Variants in PDE11A observed in about 807,000 individuals in gnomAD.
The protein encoded by PDE11A is phosphodiesterase 11A.
A neutral mutation model predicts 100.5 loss-of-function variants in PDE11A; 100 were observed. The observed-to-expected ratio is 1.00, with a 90% CI of 0.85 to 1.18. The LOEUF is 1.18. Among genes scored for constraint, PDE11A ranks in the 50% most tolerant of loss-of-function variants. PDE11A has a pLI of 0.00. For missense variants in PDE11A, 1,141 were observed against 1,152.6 expected, an observed-to-expected ratio of 0.99 and a Z score of 0.15; for synonymous variants, 381 against 420.8, an observed-to-expected ratio of 0.91 and a Z score of 1.16.
intron 1 of PDE11A, among the ~76,000 whole-genome samples, chr2:178,046,051 A>G (rs146901908): frequency 9.0e-4 from 137 of 152,290 alleles, no homozygotes; most frequent in African/African-American, 3.1e-3. Context: ...AAGTTACTAA[A>G]CCTATTCAAG....
Position 177,961,393 on chromosome 2 carries a change from C to T in PDE11A, c.1071+52909G>A, listed in dbSNP as rs2085630414. Among the ~76,000 whole-genome samples the T allele has an allele frequency of 2.0e-5, 3 of 152,266 alleles. No homozygotes were observed. In the South Asian group the frequency reaches 6.2e-4, roughly 32 times the overall value. On this transcript the variant is annotated intron_variant, in intron 2 of 19. Transcript: ENST00000286063. ...GACCTTTCCTTCTCTAGTATAGAGG[C>T]TGTATCGCTGGCAACATGCCTTGTT... is the stretch of plus-strand genomic sequence containing the variant.
At chr2:177,732,982 A>G (rs921479554) in intron 10 of PDE11A, among the ~76,000 whole-genome samples, 3 of 152,218 alleles carry the variant, frequency 2.0e-5, no homozygotes, top group Admixed American at 2.0e-4. Context: ...AACAGGCAGT[A>G]TGTATCCTGA....
intron 6 of PDE11A, among the ~76,000 whole-genome samples, chr2:177,836,467 A>T (rs2083401975): frequency 6.6e-6 from 1 of 152,192 alleles, no homozygotes; most frequent in African/African-American, 2.4e-5. Flanking sequence ...TTGTAAATGC[A>T]CCAATCAGCT....
intron 2 of PDE11A, among the ~76,000 whole-genome samples, chr2:177,994,478 T>A (rs967881051): frequency 5.9e-5 from 9 of 152,222 alleles, no homozygotes; most frequent in African/African-American, 2.2e-4. Context: ...TTTCCAAGTT[T>A]TTTTCCTAGG....
intron 4 of PDE11A, among the ~76,000 whole-genome samples, chr2:177,885,201 AGTGTGTGT>A (rs5836630): frequency 6.7e-6 from 1 of 149,304 alleles, no homozygotes; most frequent in Admixed American, 6.7e-5. Context: ...TAATGATGTG[AGTGTGTGT>A]GTGTGTGTGT....
chr2:178,095,035 C>T (rs774424558), intron 2 of PDE11A, among the ~76,000 whole-genome samples: 3 of 152,102 alleles, frequency 2.0e-5, no homozygotes, highest in Non-Finnish European at 4.4e-5. Flanking sequence ...AGAGCCAAAC[C>T]ATATCATTCC....
At chr2:177,762,433 C>T (rs1225901606) in intron 10 of PDE11A, among the ~76,000 whole-genome samples, 3 of 152,192 alleles carry the variant, frequency 2.0e-5, no homozygotes, top group East Asian at 3.8e-4. Context: ...GTCCCAGATG[C>T]GCTAGTGTTC....
chr2:177,662,818 T>G (rs533237885), intron 19 of PDE11A, among the ~76,000 whole-genome samples: 2 of 124,810 alleles, frequency 1.6e-5, no homozygotes, highest in South Asian at 6.7e-4. Flanking sequence ...TACATATCCA[T>G]CTTCAAGACA....
intron 2 of PDE11A, chr2:178,092,455 G>A (rs1407612934): frequency 6.6e-5 from 10 of 152,098 alleles, no homozygotes; most frequent in African/African-American, 1.4e-4. Flanking sequence ...TTCTCTAAAC[G>A]TGCAATTTTT....
chr2:177,822,066 T>C (rs1159666161), intron 6 of PDE11A, among the ~76,000 whole-genome samples: 1 of 151,926 alleles, frequency 6.6e-6, no homozygotes, highest in African/African-American at 2.4e-5. Flanking sequence ...TAATGGTGTC[T>C]TTTGATTCAG....
At chr2:177,852,831 T>C (rs1399838774) in intron 5 of PDE11A, among the ~76,000 whole-genome samples, 3 of 152,216 alleles carry the variant, frequency 2.0e-5, no homozygotes, top group African/African-American at 7.2e-5. Context: ...AAATTTATCA[T>C]GATCTGTTAG....
chr2:177,827,808 G>A (rs926474730), intron 6 of PDE11A, among the ~76,000 whole-genome samples: 5 of 152,182 alleles, frequency 3.3e-5, no homozygotes, highest in African/African-American at 7.2e-5. Context: ...AATAGAGTAT[G>A]CATTCTAAGA....
At chr2:177,731,955 G>A (rs1432687251) in intron 10 of PDE11A, among the ~76,000 whole-genome samples, 1 of 152,062 alleles carries the variant, frequency 6.6e-6, no homozygotes, top group African/African-American at 2.4e-5. Context: ...CTTTATTTTT[G>A]TTTTAATAGG....
chr2:177,827,481 TCC>T (rs2083243818), intron 6 of PDE11A, among the ~76,000 whole-genome samples: 2 of 152,212 alleles, frequency 1.3e-5, no homozygotes, highest in Non-Finnish European at 2.9e-5. Context: ...AAATGTTGAG[TCC>T]AAGTGTTCAT....
chr2:177,786,324 G>T (rs1408118380), intron 9 of PDE11A, among the ~76,000 whole-genome samples: 6 of 152,038 alleles, frequency 3.9e-5, no homozygotes, highest in African/African-American at 1.4e-4. Context: ...TGCAGCTGAG[G>T]GTCCTGTCTG....
intron 2 of PDE11A, among the ~76,000 whole-genome samples, chr2:177,993,952 T>TTC (rs946001978): frequency 1.3e-5 from 2 of 151,590 alleles, no homozygotes; most frequent in Non-Finnish European, 2.9e-5. Context: ...TTTTTTTTTT[T>TTC]TGAGGCAGAG....
At chr2:177,631,548 C>T (rs1379271314) in intron 19 of PDE11A, among the ~76,000 whole-genome samples, 5 of 5,056 alleles carry the variant, frequency 9.9e-4, no homozygotes, top group African/African-American at 1.8e-3. Context: ...TATATATATA[C>T]ACATGTATAT....
chr2:178,065,046 C>A (rs1359287263), intron 1 of PDE11A, among the ~76,000 whole-genome samples: 1 of 151,810 alleles, frequency 6.6e-6, no homozygotes, highest in Non-Finnish European at 1.5e-5. Context: ...TATTTTAATC[C>A]AAATAAATAA....
intron 10 of PDE11A, among the ~76,000 whole-genome samples, chr2:177,748,794 C>A (rs1157289211): frequency 6.6e-6 from 1 of 152,014 alleles, no homozygotes; most frequent in Non-Finnish European, 1.5e-5. Flanking sequence ...TCCTGAAAAT[C>A]AAATCTTTTT....
Sources: allele counts gnomAD v4.1 joint callset (sites outside exome capture counted in the v4.1 genomes callset), GRCh38; gene constraint gnomAD v4.1.1; transcripts MANE v1.5; gene names NCBI Gene and HGNC (gene_info 2026-07-23, HGNC 2026-07-21).